KCNJ6: variants seen among roughly 807,000 people sequenced by gnomAD.
The protein encoded by KCNJ6 is G protein-activated inward rectifier potassium channel 2.
KCNJ6 carries 9 observed loss-of-function variants against 34.2 expected under a neutral mutation model. That is an observed-to-expected ratio of 0.26 (90% confidence interval 0.16 to 0.46). KCNJ6 has a LOEUF of 0.46. Among genes scored for constraint, KCNJ6 ranks in the 20% least tolerant of loss-of-function variants. The pLI is 1.00. For synonymous variants in KCNJ6, 196 were observed against 207.1 expected, an observed-to-expected ratio of 0.95 and a Z score of 0.46; for missense variants, 236 against 531.3, an observed-to-expected ratio of 0.44 and a Z score of 5.46.
chr21:37,870,098 T>A (rs1490564041), intron 1 of KCNJ6, among the ~76,000 whole-genome samples: 2 of 152,168 alleles, frequency 1.3e-5, no homozygotes, highest in Non-Finnish European at 2.9e-5. Flanking sequence ...TAGAAACATA[T>A]TTCCTGGAAG....
At chr21:37,904,926 A>G (rs538796515) in intron 1 of KCNJ6, among the ~76,000 whole-genome samples, 2 of 152,374 alleles carry the variant, frequency 1.3e-5, no homozygotes, top group African/African-American at 4.8e-5. Flanking sequence ...AACCTTGCAC[A>G]TGAAAGTGAC....
rs1397495103 is a variant in KCNJ6 at position 37,712,652 on chromosome 21, CT to C, written c.946+1558del. Among the ~76,000 whole-genome samples the C allele has an allele frequency of 9.5e-5, 8 of 84,490 alleles. 1 individual carries two copies. The highest frequency in any genetic ancestry group is 1.1e-4 in the Admixed American group (1 of 8,754). The allele number at this position is 84,490 out of a possible 152,430, so 55.4% of individuals were successfully genotyped here. A position where few individuals can be genotyped will look rare whatever the true frequency, so the allele number is the denominator to read the frequency against. On this transcript the variant is annotated intron_variant, in intron 3 of 3. Coordinates refer to ENST00000609713, the MANE Select transcript of KCNJ6 (RefSeq NM_002240.5). Reference sequence around the variant, plus strand: ...TTCCCTCCCTCCTCCCCTTCTCCTCCTCTCCTTCCTCCCTTTCTCTTCCCTC... The same window carrying C: ...TTCCCTCCCTCCTCCCCTTCTCCTCCCTCCTTCCTCCCTTTCTCTTCCCTC...
chr21:37,890,343 C>T (rs1601518911), intron 1 of KCNJ6, among the ~76,000 whole-genome samples: 1 of 152,262 alleles, frequency 6.6e-6, no homozygotes, highest in Admixed American at 6.5e-5. Context: ...CAATTACTTC[C>T]CACCAGGTCC....
At chr21:37,638,436 C>T (rs979644330) in intron 3 of KCNJ6, among the ~76,000 whole-genome samples, 2 of 152,126 alleles carry the variant, frequency 1.3e-5, no homozygotes, top group East Asian at 1.9e-4. Flanking sequence ...TGTGAGCCAC[C>T]GCTCCCAGCC....
intron 2 of KCNJ6, among the ~76,000 whole-genome samples, chr21:37,724,911 A>G (rs976953682): frequency 2.0e-5 from 3 of 152,230 alleles, no homozygotes; most frequent in Non-Finnish European, 4.4e-5. Flanking sequence ...AAGGCAAAAA[A>G]TAAAACTACA....
intron 1 of KCNJ6, among the ~76,000 whole-genome samples, chr21:37,848,527 A>C (rs113709035): frequency 0.013 from 2,010 of 152,254 alleles, 49 homozygotes; most frequent in African/African-American, 0.046. Context: ...TAAGGTCCCT[A>C]TGTACAGGTC....
intron 2 of KCNJ6, among the ~76,000 whole-genome samples, chr21:37,735,293 A>G (rs1569454124): frequency 6.6e-6 from 1 of 152,250 alleles, no homozygotes; most frequent in South Asian, 2.1e-4. Context: ...ATAGAATCCT[A>G]TCACCAGAAA....
At chr21:37,895,185 T>C (rs2055781867) in intron 1 of KCNJ6, among the ~76,000 whole-genome samples, 1 of 152,204 alleles carries the variant, frequency 6.6e-6, no homozygotes. Context: ...ATAATAGCCC[T>C]GGGATTTAGA....
At chr21:37,672,556 G>A (rs2054546915) in intron 3 of KCNJ6, among the ~76,000 whole-genome samples, 1 of 151,876 alleles carries the variant, frequency 6.6e-6, no homozygotes, top group Non-Finnish European at 1.5e-5. Flanking sequence ...GTCAGTTTGG[G>A]TTCTCTGACA....
chr21:37,864,387 A>T (rs1055904675), intron 1 of KCNJ6, among the ~76,000 whole-genome samples: 1 of 152,200 alleles, frequency 6.6e-6, no homozygotes, highest in Non-Finnish European at 1.5e-5. Context: ...CTAGGATTAC[A>T]GGTGTGAGCC....
intron 3 of KCNJ6, among the ~76,000 whole-genome samples, chr21:37,712,461 CCTCCT>C (rs1415044277): frequency 3.8e-5 from 4 of 105,494 alleles, no homozygotes; most frequent in Non-Finnish European, 9.6e-5. Context: ...AGCCTCCCCT[CCTCCT>C]CTCTCCCTCC....
chr21:37,707,249 C>T (rs558866184), intron 3 of KCNJ6, among the ~76,000 whole-genome samples: 3 of 152,336 alleles, frequency 2.0e-5, no homozygotes, highest in African/African-American at 7.2e-5. Context: ...TCTATCACAG[C>T]ACTAACTGCA....
At chr21:37,868,203 G>A (rs1406921628) in intron 1 of KCNJ6, among the ~76,000 whole-genome samples, 2 of 152,170 alleles carry the variant, frequency 1.3e-5, no homozygotes, top group Non-Finnish European at 2.9e-5. Context: ...CAATAAATAC[G>A]GTGGAGGGTA....
intron 1 of KCNJ6, among the ~76,000 whole-genome samples, chr21:37,889,446 AG>A (rs897259487): frequency 7.3e-6 from 1 of 136,214 alleles, no homozygotes; most frequent in Admixed American, 7.1e-5. Flanking sequence ...GTAAGAGGGG[AG>A]GGCTGGGCTG....
intron 2 of KCNJ6, among the ~76,000 whole-genome samples, chr21:37,792,560 G>A (rs999660011): frequency 9.2e-5 from 14 of 152,332 alleles, no homozygotes; most frequent in African/African-American, 3.4e-4. Flanking sequence ...GAGGGAGCAA[G>A]TGGCTGAGAT....
intron 3 of KCNJ6, among the ~76,000 whole-genome samples, chr21:37,663,463 CA>C (rs34378084): frequency 0.6 from 87,243 of 146,056 alleles, 25,346 homozygotes; most frequent in East Asian, 0.83. Flanking sequence ...TTTCATGAAA[CA>C]AAAAAAAAAA....
At chr21:37,647,640 A>C (rs1205782329) in intron 3 of KCNJ6, among the ~76,000 whole-genome samples, 1 of 152,138 alleles carries the variant, frequency 6.6e-6, no homozygotes, top group Admixed American at 6.5e-5. Context: ...GACAGTCTCC[A>C]TGCTCCAGAG....
At chr21:37,911,861 G>C (rs961154247) in intron 1 of KCNJ6, among the ~76,000 whole-genome samples, 4 of 152,052 alleles carry the variant, frequency 2.6e-5, no homozygotes, top group African/African-American at 9.7e-5. Context: ...CAGTGAATGG[G>C]GTTAAGATTC....
chr21:37,904,378 A>G (rs2055831319), intron 1 of KCNJ6, among the ~76,000 whole-genome samples: 1 of 152,224 alleles, frequency 6.6e-6, no homozygotes, highest in South Asian at 2.1e-4. Context: ...AATAGAGAAG[A>G]CTATCTCAGT....
Sources: allele counts gnomAD v4.1 joint callset (sites outside exome capture counted in the v4.1 genomes callset), GRCh38; gene constraint gnomAD v4.1.1; transcripts MANE v1.5; gene names NCBI Gene and HGNC (gene_info 2026-07-23, HGNC 2026-07-21).